Variants in HERC2 observed in about 807,000 individuals in gnomAD.
HERC2 encodes HECT and RLD domain containing E3 ubiquitin protein ligase 2.
HERC2 carries 102 observed loss-of-function variants against 537.7 expected under a neutral mutation model. The observed-to-expected ratio is 0.19, with a 90% CI of 0.16 to 0.22. The LOEUF (loss-of-function observed/expected upper bound fraction) is 0.22. HERC2 is among the 10% of genes least tolerant of loss of function. The pLI, the probability that HERC2 is intolerant of heterozygous loss-of-function variation, is 1.00. For missense variants in HERC2, 4,236 were observed against 6,198.2 expected (o/e 0.68, Z 10.63); for synonymous variants, 2,224 against 2,466.2 (o/e 0.90, Z 2.91).
chr15:28,135,700 A>T lies in HERC2; in HGVS notation c.12016-8T>A, dbSNP rs1185921000. The T allele has an allele frequency of 6.2e-7, 1 of 1,604,866 alleles. No homozygotes were observed. The highest frequency in any genetic ancestry group is 8.5e-7 in the Non-Finnish European group (1 of 1,172,446). ...ATACCCAGTGGCATACAGCTAAGAAAAGAAAAAGCAATAGTAACATCAGTT... is the reference window on the plus strand; with the variant it reads ...ATACCCAGTGGCATACAGCTAAGAATAGAAAAAGCAATAGTAACATCAGTT... On this transcript the variant is annotated splice_region_variant and splice_polypyrimidine_tract_variant and intron_variant, in intron 78 of 92. Coordinates refer to ENST00000261609, the MANE Select transcript of HERC2 (RefSeq NM_004667.6).
intron 37 of HERC2, among the ~76,000 whole-genome samples, 163 bp downstream of exon 37, chr15:28,220,289 G>A (rs72714145): frequency 0.025 from 3,825 of 152,310 alleles, 85 homozygotes; most frequent in Non-Finnish European, 0.036. Context: ...CACCTGCATC[G>A]GAGGTGCCTG....
chr15:28,160,521 A>G (rs1893482691), intron 69 of HERC2, among the ~76,000 whole-genome samples: 1 of 152,064 alleles, frequency 6.6e-6, no homozygotes, highest in Non-Finnish European at 1.5e-5. Context: ...TGGGCGTGGG[A>G]CCCTCCGAGC....
intron 20 of HERC2, 145 bp from the exon 21 acceptor site, chr15:28,248,881 C>G: frequency 1.5e-6 from 1 of 659,362 alleles, no homozygotes; most frequent in Non-Finnish European, 2.6e-6. Context: ...CCAAGTGTGT[C>G]CAATGTATCT....
intron 4 of HERC2, among the ~76,000 whole-genome samples, chr15:28,281,874 G>A (rs926143053): frequency 3.3e-5 from 5 of 151,872 alleles, no homozygotes; most frequent in South Asian, 4.1e-4. Flanking sequence ...TGCATTTGCC[G>A]CTTTTAAATA....
Position 28,245,594 on chromosome 15 carries a change from C to CAT in HERC2, c.3577+286_3577+287insAT, listed in dbSNP as rs1188099723. Among the ~76,000 whole-genome samples the CAT allele has an allele frequency of 3.6e-3, 484 of 134,986 alleles. 4 individuals carry two copies. The highest frequency in any genetic ancestry group is 0.012 in the African/African-American group (455 of 37,246). The allele number at this position is 134,986 out of a possible 152,430, so 88.6% of individuals were successfully genotyped here. ...ACACACACACACACACACACACACA[C>CAT]ACACACACACAGATATATATATACA... On this transcript the variant is annotated intron_variant, in intron 23 of 92. Transcript: ENST00000261609.
chr15:28,257,167 A>T lies in HERC2; in HGVS notation c.2411T>A (p.Leu804His), dbSNP rs2075288636. 1 of 1,613,796 alleles carries T rather than the reference A, an allele frequency of 6.2e-7. No individual in the cohort carries two copies. Among genetic ancestry groups the T allele is most frequent in the Non-Finnish European group, 8.5e-7 (1 of 1,179,804 alleles). Residue 804 changes from leucine (L) to histidine (H), a missense_variant, in exon 17 of 93, where the codon CTC (leucine) becomes CAC (histidine). Coordinates refer to ENST00000261609, the MANE Select transcript of HERC2 (RefSeq NM_004667.6). ...CCCCTCACTCACCTGCCGAAGCAGGAGATCCAGCTGCTCAAAAGTCATTGA... is the reference window on the plus strand; with the variant it reads ...CCCCTCACTCACCTGCCGAAGCAGGTGATCCAGCTGCTCAAAAGTCATTGA... ...ICSMTFEQLD[L>H]LLRQVSEGMD...
At chr15:28,181,522 G>A (rs2140189027) in intron 57 of HERC2, among the ~76,000 whole-genome samples, 1 of 152,182 alleles carries the variant, frequency 6.6e-6, no homozygotes, top group East Asian at 1.9e-4. Flanking sequence ...TCTCAATAGG[G>A]CAGGCAATAA....
At chr15:28,212,157 G>A (rs1387104507) in intron 43 of HERC2, among the ~76,000 whole-genome samples, 1 of 152,180 alleles carries the variant, frequency 6.6e-6, no homozygotes, top group East Asian at 1.9e-4. Flanking sequence ...GAGGAGGAGG[G>A]AAGAGGTGAA....
At chr15:28,264,033 A>C (rs1001520318) in intron 14 of HERC2, among the ~76,000 whole-genome samples, 4 of 151,894 alleles carry the variant, frequency 2.6e-5, no homozygotes, top group Non-Finnish European at 4.4e-5. Context: ...AAAAAAAAAA[A>C]AAAAACAAAC....
At chr15:28,285,845 G>A (rs1280605448) in intron 4 of HERC2, among the ~76,000 whole-genome samples, 2 of 143,854 alleles carry the variant, frequency 1.4e-5, no homozygotes, top group Admixed American at 6.8e-5. Context: ...CATTAGTGAT[G>A]AAACGGACTC....
chr15:28,192,236 C>T, intron 52 of HERC2, 85 bp from the exon 53 acceptor site: 1 of 1,164,258 alleles, frequency 8.6e-7, no homozygotes, highest in Non-Finnish European at 1.2e-6. Flanking sequence ...TAGTAAGGAG[C>T]TTCTTAAAGA....
intron 4 of HERC2, among the ~76,000 whole-genome samples, chr15:28,284,183 G>A (rs1206186303): frequency 1.3e-5 from 2 of 151,996 alleles, no homozygotes; most frequent in Non-Finnish European, 2.9e-5. Context: ...TGGATTTTGG[G>A]TTTAGAGATG....
Position 28,122,537 on chromosome 15 carries a change from A to G in HERC2, c.13189-1108T>C, listed in dbSNP as rs1358395558. Among the ~76,000 whole-genome samples the G allele has an allele frequency of 1.3e-5, 2 of 152,102 alleles. No homozygotes were observed. Among genetic ancestry groups the G allele is most frequent in the East Asian group, 3.9e-4 (2 of 5,170 alleles). On this transcript the variant is annotated intron_variant, in intron 85 of 92. Transcript: ENST00000261609. This position sits in a 1 kb window ranked among gnomAD's most constrained non-coding sequence, Gnocchi z 4.1. ...CAGCCCCATGCCTCTCGCACAGCCC[A>G]GACTCATCCTGCTCCCAGAGGCCCT...
chr15:28,175,925 A>T (rs1302952446), intron 63 of HERC2, among the ~76,000 whole-genome samples: 3 of 152,250 alleles, frequency 2.0e-5, no homozygotes, highest in Non-Finnish European at 4.4e-5. Context: ...TGAAAATAAG[A>T]CACACTACTG....
intron 16 of HERC2, among the ~76,000 whole-genome samples, chr15:28,260,086 T>C (rs1031766905): frequency 6.7e-6 from 1 of 150,054 alleles, no homozygotes; most frequent in Non-Finnish European, 1.5e-5. Flanking sequence ...ACACCTGTAA[T>C]CCCAGCACTT....
intron 22 of HERC2, 26 bp downstream of exon 22, chr15:28,246,716 G>A: frequency 6.5e-7 from 1 of 1,534,646 alleles, no homozygotes; most frequent in Non-Finnish European, 8.8e-7. Context: ...AAATAAACAT[G>A]TACACAAGCA....
At chr15:28,283,333 C>A (rs1185734847) in intron 4 of HERC2, among the ~76,000 whole-genome samples, 1 of 152,192 alleles carries the variant, frequency 6.6e-6, no homozygotes, top group Non-Finnish European at 1.5e-5. Context: ...CCTTAACTAT[C>A]GTGCATTAAC....
chr15:28,193,828 A>G (rs1424245526), intron 52 of HERC2, among the ~76,000 whole-genome samples: 2 of 152,224 alleles, frequency 1.3e-5, no homozygotes, highest in East Asian at 3.8e-4. Context: ...AAGACTTTTC[A>G]AAAATAAAGG....
chr15:28,116,755 C>T lies in HERC2; in HGVS notation c.13519G>A (p.Gly4507Arg), dbSNP rs752339456. ...LTPLLIVTPN[G>R]RDESGANRDC... ...CGGTTGGCCCCAGACTCATCCCTCC[C>T]GTTGGGTGTCACGATCAGCAGGGGC... The change falls in exon 88 of 93, where the codon GGG becomes AGG. Residue 4507 changes from glycine (G) to arginine (R), a missense_variant. Gly to Arg is a moderately radical substitution (Grantham distance 125). Transcript: ENST00000261609. 107 of 1,613,946 alleles carry T rather than the reference C, an allele frequency of 6.6e-5. 1 individual carries two copies. Among genetic ancestry groups the T allele is most frequent in the South Asian group, 1.1e-5 (1 of 91,086 alleles).
Sources: allele counts gnomAD v4.1 joint callset (sites outside exome capture counted in the v4.1 genomes callset), GRCh38; gene constraint gnomAD v4.1.1; non-coding constraint Gnocchi (gnomAD v3.1); transcripts MANE v1.5; gene names NCBI Gene and HGNC (gene_info 2026-07-23, HGNC 2026-07-21).